The following POLR2B variants were observed in gnomAD, a reference collection of about 807,000 sequenced individuals.
POLR2B encodes the protein DNA-directed RNA polymerase II subunit RPB2.
A neutral mutation model predicts 144.6 loss-of-function variants in POLR2B; 57 were observed. The ratio of observed to expected loss-of-function variants is 0.39; its 90% confidence interval spans 0.32 to 0.49. The LOEUF (loss-of-function observed/expected upper bound fraction) is 0.49. POLR2B is among the 20% of genes least tolerant of loss of function. The pLI is 0.83. For missense variants in POLR2B, 595 were observed against 1,467.4 expected (o/e 0.41, Z 9.71); for synonymous variants, 442 against 469.8 (o/e 0.94, Z 0.77).
chr4:57,018,094 G>C (rs538086786), intron 16 of POLR2B, among the ~76,000 whole-genome samples: 1 of 152,310 alleles, frequency 6.6e-6, no homozygotes, highest in African/African-American at 2.4e-5. Context: ...GGTACAGTTA[G>C]TCATGTCAGC....
intron 8 of POLR2B, 45 bp downstream of exon 8, chr4:57,005,487 T>C: frequency 1.3e-6 from 2 of 1,491,780 alleles, no homozygotes; most frequent in Non-Finnish European, 1.8e-6. Context: ...AAGATACAGT[T>C]GAGATAAAGG....
At chr4:56,992,108 C>A (rs1722525394) in intron 3 of POLR2B, among the ~76,000 whole-genome samples, 1 of 152,086 alleles carries the variant, frequency 6.6e-6, no homozygotes, top group Admixed American at 6.5e-5. Flanking sequence ...ATGGAAGAGA[C>A]TTAAATTTAC....
In POLR2B at chr4:57,023,278, T is replaced by G; in HGVS notation, c.2516-52T>G. 4.4e-6 allele frequency: 7 copies of G among 1,596,404 alleles called. No individual in the cohort carries two copies. The highest frequency in any genetic ancestry group is 6.0e-6 in the Non-Finnish European group (7 of 1,168,174). On this transcript the variant is annotated intron_variant, in intron 18 of 24. Transcript: ENST00000314595. This position sits in a 1 kb window ranked among gnomAD's most constrained non-coding sequence, Gnocchi z 4.3. ...ACTTGGAACTGATTCATGTATGTGG[T>G]TTTTAATCTTTGTTGGGGATTATGT... is the stretch of plus-strand genomic sequence containing the variant.
chr4:56,999,527 AAT>A, intron 6 of POLR2B, 88 bp from the exon 7 acceptor site: 74 of 801,880 alleles, frequency 9.2e-5, no homozygotes, highest in Middle Eastern at 3.2e-4. Flanking sequence ...GTGCACAAAG[AAT>A]ATATATATAT....
chr4:57,026,477 G>A (rs4865171), intron 23 of POLR2B, among the ~76,000 whole-genome samples: 136,066 of 152,264 alleles, frequency 0.89, 60,821 homozygotes, highest in East Asian at 0.97. Context: ...TCTTGATCCC[G>A]GGAACCCAAA....
At chr4:56,985,375 A>G (rs969062304) in intron 1 of POLR2B, 39 of 984,884 alleles carry the variant, frequency 4.0e-5, no homozygotes, top group East Asian at 1.1e-4. Context: ...GCCGCGAGGG[A>G]CGGGCGGCGG....
chr4:56,979,454 T>C (rs1223813246), intron 1 of POLR2B, among the ~76,000 whole-genome samples: 1 of 32,942 alleles, frequency 3.0e-5, no homozygotes. Flanking sequence ...GGGGTGGGGG[T>C]GGCGGGGGGG....
intron 2 of POLR2B, among the ~76,000 whole-genome samples, chr4:56,987,374 G>A (rs1336770120): frequency 2.3e-5 from 3 of 133,076 alleles, no homozygotes; most frequent in Non-Finnish European, 4.7e-5. Flanking sequence ...GTAACATCCT[G>A]TAAGGTTAGG....
intron 6 of POLR2B, among the ~76,000 whole-genome samples, chr4:56,998,433 G>A (rs1299084426): frequency 6.6e-6 from 1 of 152,186 alleles, no homozygotes; most frequent in African/African-American, 2.4e-5. Context: ...CCAACCTCTG[G>A]TGATCCACCC....
chr4:57,029,865 T>G (rs1723855246), intron 23 of POLR2B, among the ~76,000 whole-genome samples: 1 of 152,226 alleles, frequency 6.6e-6, no homozygotes, highest in Admixed American at 6.5e-5. Context: ...CCACTCCATT[T>G]GGGGACCTTC....
At chr4:57,022,740 ATG>A (rs1172749101) in intron 18 of POLR2B, among the ~76,000 whole-genome samples, 10 of 152,230 alleles carry the variant, frequency 6.6e-5, no homozygotes, top group Admixed American at 3.9e-4. Flanking sequence ...AGTGGGATGG[ATG>A]GGATGTTCCA....
At chr4:56,996,274 ATATATT>A (rs1722682017) in intron 6 of POLR2B, among the ~76,000 whole-genome samples, 1 of 86,984 alleles carries the variant, frequency 1.1e-5, no homozygotes, top group African/African-American at 4.3e-5. Context: ...ATATATATAT[ATATATT>A]TTTTTTTTTT....
chr4:56,997,599 T>C (rs2109667726), intron 6 of POLR2B, among the ~76,000 whole-genome samples: 1 of 152,284 alleles, frequency 6.6e-6, no homozygotes, highest in East Asian at 1.9e-4. Context: ...CTTTGAAAGA[T>C]GGTATGGATT....
chr4:57,005,087 A>G (rs1297900476), intron 7 of POLR2B, among the ~76,000 whole-genome samples, 159 bp from the exon 8 acceptor site: 1 of 152,162 alleles, frequency 6.6e-6, no homozygotes, highest in African/African-American at 2.4e-5. Flanking sequence ...TCTCTGAGGT[A>G]TCTTCTAAGA....
At chr4:57,007,311 A>G (rs1422353605) in intron 10 of POLR2B, among the ~76,000 whole-genome samples, 3 of 152,116 alleles carry the variant, frequency 2.0e-5, no homozygotes, top group South Asian at 2.1e-4. Flanking sequence ...TCTACTTGGG[A>G]GGCTGAGGCA....
At chr4:56,988,801 A>T (rs1722414258) in intron 2 of POLR2B, among the ~76,000 whole-genome samples, 1 of 152,214 alleles carries the variant, frequency 6.6e-6, no homozygotes, top group South Asian at 2.1e-4. Flanking sequence ...GGAAACAATA[A>T]CCAGGTAGAT....
At position 57,023,624 on chromosome 4, in the gene POLR2B, C is replaced by T. The variant is rs775947022; in HGVS notation, c.2767-38C>T. The stretch of plus-strand genomic sequence containing the variant: ...ATGTAGCTAGTTTTAGAAAGTAAAC[C>T]AAATCCACTTAACTAACTTATTTTT... On this transcript the variant is annotated intron_variant, in intron 19 of 24. Coordinates refer to ENST00000314595, the MANE Select transcript of POLR2B (RefSeq NM_000938.3). The surrounding 1 kb of genome is among the most constrained non-coding windows in gnomAD (Gnocchi z 4.3). 2 of 1,610,192 alleles carry T rather than the reference C, an allele frequency of 1.2e-6. No homozygotes were observed. The highest frequency in any genetic ancestry group is 1.7e-6 in the Non-Finnish European group (2 of 1,177,300).
At chr4:56,994,957 T>G in intron 5 of POLR2B, 91 bp downstream of exon 5, 3 of 829,700 alleles carry the variant, frequency 3.6e-6, no homozygotes, top group Admixed American at 5.6e-5. Context: ...GAAAGAAAGA[T>G]TTTCCTGCAG....
chr4:56,995,122 T>A, intron 5 of POLR2B, 129 bp from the exon 6 acceptor site: 1 of 746,294 alleles, frequency 1.3e-6, no homozygotes, highest in South Asian at 2.0e-5. Context: ...ATGGAGTTTG[T>A]AAAGTTGAAG....
Sources: allele counts gnomAD v4.1 joint callset (sites outside exome capture counted in the v4.1 genomes callset), GRCh38; gene constraint gnomAD v4.1.1; non-coding constraint Gnocchi (gnomAD v3.1); transcripts MANE v1.5; gene names NCBI Gene and HGNC (gene_info 2026-07-23, HGNC 2026-07-21).